NUP214: variants seen among roughly 807,000 people sequenced by gnomAD.
The protein encoded by NUP214 is nuclear pore complex protein Nup214.
In NUP214, 79 loss-of-function variants were observed where a neutral mutation model predicts 196.2. The ratio of observed to expected loss-of-function variants is 0.40; its 90% CI spans 0.34 to 0.49. NUP214 has a LOEUF of 0.49. NUP214 is among the 20% of genes least tolerant of loss of function. NUP214 has a pLI of 0.58. For missense variants in NUP214, 2,468 were observed against 2,539.0 expected (o/e 0.97, Z 0.60); for synonymous variants, 1,020 against 990.5 (o/e 1.03, Z -0.56).
intron 24 of NUP214, among the ~76,000 whole-genome samples, chr9:131,185,044 TA>T (rs1833414610): frequency 1.3e-5 from 2 of 152,394 alleles, no homozygotes; most frequent in South Asian, 4.1e-4. Flanking sequence ...TCTTGTTTTT[TA>T]TGCTTTTTAA....
intron 21 of NUP214, among the ~76,000 whole-genome samples, chr9:131,168,413 G>A (rs1564193074): frequency 6.6e-6 from 1 of 152,150 alleles, no homozygotes; most frequent in Non-Finnish European, 1.5e-5. Context: ...GTAGCTGGGT[G>A]CTTTTTACTA....
chr9:131,131,154 A>G (rs1029854161), intron 5 of NUP214, among the ~76,000 whole-genome samples: 2 of 152,184 alleles, frequency 1.3e-5, no homozygotes, highest in Admixed American at 1.3e-4. Flanking sequence ...CACCTTTTTC[A>G]GTCCATTCCA....
intron 31 of NUP214, among the ~76,000 whole-genome samples, chr9:131,218,576 C>T (rs1834469175): frequency 6.6e-6 from 1 of 152,094 alleles, no homozygotes; most frequent in African/African-American, 2.4e-5. Flanking sequence ...CCTCACCAAC[C>T]CCCGCACTCC....
At position 131,223,207 on chromosome 9, in the gene NUP214, G is replaced by A. The variant is rs188584375; in HGVS notation, c.5902+277G>A. Among the ~76,000 whole-genome samples the A allele has an allele frequency of 4.0e-5, 6 of 149,540 alleles. No homozygotes were observed. In the Admixed American group the frequency reaches 4.0e-4, roughly 10 times the overall value. On this transcript the variant is annotated intron_variant, in intron 32 of 35. Transcript: ENST00000359428. ...TTGTGAGAGGGAGTCTCAATCTGTC[G>A]CCAGGCTGGAGTGCAATGGTGCGAT...
intron 30 of NUP214, among the ~76,000 whole-genome samples, chr9:131,214,082 G>C (rs1461737955): frequency 6.6e-6 from 1 of 152,184 alleles, no homozygotes; most frequent in African/African-American, 2.4e-5. Flanking sequence ...TTGTTGCATA[G>C]TCTGGGCAAA....
chr9:131,202,200 G>A (rs761792678), intron 30 of NUP214, among the ~76,000 whole-genome samples: 2 of 151,828 alleles, frequency 1.3e-5, no homozygotes, highest in African/African-American at 2.4e-5. Context: ...GGCCTCAAAC[G>A]ATCCTCCACG....
chr9:131,130,408 G>A (rs1831512741), intron 4 of NUP214, among the ~76,000 whole-genome samples: 1 of 151,812 alleles, frequency 6.6e-6, no homozygotes, highest in Admixed American at 6.6e-5. Flanking sequence ...TCCTCCCAAA[G>A]TGCTGGGATT....
At position 131,232,488 on chromosome 9, in the gene NUP214, G is replaced by T. The variant is rs1247568146; in HGVS notation, c.6239+180G>T. ...TTTTGTGGACTTGCTCTTCTCTGTA[G>T]CAATATGGCAGGAGGTGCCAGGCCT... On this transcript the variant is annotated intron_variant, in intron 35 of 35. Coordinates refer to ENST00000359428, the MANE Select transcript of NUP214 (RefSeq NM_005085.4). This position sits in a 1 kb window ranked among gnomAD's most constrained non-coding sequence, Gnocchi z 5.1. The T allele has an allele frequency of 4.4e-6, 3 of 683,282 alleles. No individual in the cohort carries two copies. Among genetic ancestry groups the T allele is most frequent in the Non-Finnish European group, 2.6e-6 (1 of 379,766 alleles). 42.3% of individuals were successfully genotyped at this position (683,282 alleles called of 1,614,324 possible).
At chr9:131,138,722 G>A (rs1041373347) in intron 9 of NUP214, among the ~76,000 whole-genome samples, 1 of 152,230 alleles carries the variant, frequency 6.6e-6, no homozygotes, top group Non-Finnish European at 1.5e-5. Context: ...CTGGGGACAG[G>A]AAAGCTGACC....
chr9:131,140,266 T>G (rs755952525), intron 10 of NUP214, among the ~76,000 whole-genome samples: 6 of 152,124 alleles, frequency 3.9e-5, no homozygotes. Context: ...ACTGAGACAC[T>G]CATAAAAACT....
chr9:131,180,772 C>G lies in NUP214; in HGVS notation c.3419+2362C>G, dbSNP rs80219031. 4.0e-3 allele frequency among the ~76,000 whole-genome samples: 613 copies of G among 152,254 alleles called. 2 individuals are homozygous for G. The highest frequency in any genetic ancestry group is 0.013 in the African/African-American group (551 of 41,558). On this transcript the variant is annotated intron_variant, in intron 24 of 35. Coordinates refer to ENST00000359428, the MANE Select transcript of NUP214 (RefSeq NM_005085.4). ...GATAGGGTAGTTGAATAAGACAAAC[C>G]AAACAAGAAGACAGCCGGGAAACTG...
intron 34 of NUP214, among the ~76,000 whole-genome samples, chr9:131,231,912 CAAAAAAA>C (rs900440054): frequency 1.1e-4 from 5 of 43,976 alleles, no homozygotes; most frequent in African/African-American, 3.0e-4. Context: ...ACAACAACAG[CAAAAAAA>C]AAAAAAAAAA....
chr9:131,172,841 C>T (rs892573949), intron 21 of NUP214, among the ~76,000 whole-genome samples: 1 of 151,984 alleles, frequency 6.6e-6, no homozygotes, highest in Non-Finnish European at 1.5e-5. Flanking sequence ...ACACAAAAGT[C>T]AATAAATATT....
intron 31 of NUP214, among the ~76,000 whole-genome samples, chr9:131,222,214 T>C (rs1277828555): frequency 6.6e-6 from 1 of 152,204 alleles, no homozygotes; most frequent in Non-Finnish European, 1.5e-5. Context: ...ATGATTTTTC[T>C]CATTTCACTG....
At chr9:131,151,496 T>C (rs1832262949) in intron 16 of NUP214, among the ~76,000 whole-genome samples, 1 of 152,214 alleles carries the variant, frequency 6.6e-6, no homozygotes, top group Admixed American at 6.5e-5. Flanking sequence ...GCTACTGTCT[T>C]TGTATTTTCT....
In NUP214 at chr9:131,175,515, C is replaced by G. The variant is rs1233740238; in HGVS notation, c.3213C>G (p.Ala1071=). Residue 1071 remains alanine (A), a synonymous_variant, in exon 23 of 36, where the codon GCC becomes GCG. Coordinates refer to ENST00000359428, the MANE Select transcript of NUP214 (RefSeq NM_005085.4). The part of the protein sequence containing the change: ...IPQGADSTML[A]TKTVKHGAPS... ...AAGGGGCCGATAGCACAATGCTTGC[C>G]ACGAAAACCGTGAAACATGGTGCAC... 1 of 1,614,078 alleles carries G rather than the reference C, an allele frequency of 6.2e-7. No homozygotes were observed. Among genetic ancestry groups the G allele is most frequent in the Non-Finnish European group, 8.5e-7 (1 of 1,180,040 alleles).
intron 23 of NUP214, among the ~76,000 whole-genome samples, chr9:131,177,753 A>G (rs560221131): frequency 2.0e-5 from 3 of 152,302 alleles, no homozygotes; most frequent in African/African-American, 7.2e-5. Context: ...AGGAGGTGTC[A>G]GATATATGCC....
At chr9:131,151,917 T>G (rs757954462) in intron 17 of NUP214, 23 bp downstream of exon 17, 2 of 1,533,378 alleles carry the variant, frequency 1.3e-6, no homozygotes, top group Non-Finnish European at 1.8e-6. Flanking sequence ...TGTAAATCTG[T>G]TTAAAAGATT....
chr9:131,139,432 C>T lies in NUP214; in HGVS notation c.1132+25C>T, dbSNP rs775654803. 3.1e-6 allele frequency: 5 copies of T among 1,598,494 alleles called. No homozygotes were observed. In the South Asian group the frequency reaches 5.7e-5, roughly 18 times the overall value. On this transcript the variant is annotated intron_variant, in intron 10 of 35. Coordinates refer to ENST00000359428, the MANE Select transcript of NUP214 (RefSeq NM_005085.4). ...AGTAAGTGTAGCCTGGTAGTTAGTG[C>T]AGAAATAGTCTTCTTTCTAGTTAGG...
Sources: allele counts gnomAD v4.1 joint callset (sites outside exome capture counted in the v4.1 genomes callset), GRCh38; gene constraint gnomAD v4.1.1; non-coding constraint Gnocchi (gnomAD v3.1); transcripts MANE v1.5; gene names NCBI Gene and HGNC (gene_info 2026-07-23, HGNC 2026-07-21).